DACH1: variants seen among roughly 807,000 people sequenced by gnomAD.
The protein encoded by DACH1 is dachshund homolog 1.
DACH1 carries 12 observed loss-of-function variants against 54.2 expected under a neutral mutation model. That is an observed-to-expected ratio of 0.22 (90% confidence interval 0.14 to 0.36). The LOEUF is 0.36. DACH1 is among the 10% of genes least tolerant of loss of function. The probability of loss-of-function intolerance (pLI) is 1.00; values close to 1 mark genes in which losing one functional copy is unlikely to be tolerated. For missense variants in DACH1, 805 were observed against 929.8 expected, an observed-to-expected ratio of 0.87 and a Z score of 1.75; for synonymous variants, 386 against 366.2, an observed-to-expected ratio of 1.05 and a Z score of -0.62.
intron 1 of DACH1, among the ~76,000 whole-genome samples, chr13:71,849,038 T>G (rs142745378): frequency 0.014 from 2,079 of 152,332 alleles, 26 homozygotes; most frequent in Non-Finnish European, 0.019. Flanking sequence ...ATACATTAGT[T>G]AATCTAAAAT....
rs1176069769 is a variant in DACH1 at position 71,655,373 on chromosome 13, T to A, written c.965-24656A>T. Among the ~76,000 whole-genome samples the A allele has an allele frequency of 3.3e-5, 4 of 122,238 alleles. No homozygotes were observed. In the East Asian group the frequency reaches 8.1e-4, roughly 25 times the overall value. 80.2% of individuals were successfully genotyped at this position (122,238 alleles called of 152,430 possible). ...TGGTGATGTCTCTTTTTTTTTTTAA[T>A]TTTTTTTTTTTTTTGAAACAGAGTT... On this transcript the variant is annotated intron_variant, in intron 2 of 10. Transcript: ENST00000613252.
intron 1 of DACH1, among the ~76,000 whole-genome samples, chr13:71,757,361 A>C (rs1053123331): frequency 6.6e-6 from 1 of 152,158 alleles, no homozygotes; most frequent in Admixed American, 6.5e-5. Context: ...TTAGTAAAAT[A>C]AACGGACCAG....
chr13:71,621,153 C>A (rs1876206688), intron 3 of DACH1, among the ~76,000 whole-genome samples: 1 of 151,852 alleles, frequency 6.6e-6, no homozygotes, highest in Non-Finnish European at 1.5e-5. Flanking sequence ...TGTCGCTATG[C>A]AGCTATTACT....
chr13:71,552,944 A>G (rs906011052), intron 6 of DACH1, among the ~76,000 whole-genome samples: 3 of 145,620 alleles, frequency 2.1e-5, no homozygotes, highest in African/African-American at 7.6e-5. Context: ...CACTTTGGGA[A>G]GCCAAGGCAG....
rs894677728 is a variant in DACH1 at position 71,861,926 on chromosome 13, A to C, written c.848+3996T>G. 3.3e-5 allele frequency among the ~76,000 whole-genome samples: 5 copies of C among 151,368 alleles called. No homozygotes were observed. The South Asian group carries it at 8.3e-4, about 25-fold the overall frequency. On this transcript the variant is annotated intron_variant, in intron 1 of 10. Transcript: ENST00000613252. Reference sequence around the variant, plus strand: ...CCTAACCAAAAAAAAAAAAAAAAAAAAATAGAGTCAAGAGTTGGAAAATGT... The same window carrying C: ...CCTAACCAAAAAAAAAAAAAAAAAACAATAGAGTCAAGAGTTGGAAAATGT...
chr13:71,502,116 A>G (rs898541787), intron 6 of DACH1, among the ~76,000 whole-genome samples: 5 of 152,296 alleles, frequency 3.3e-5, no homozygotes, highest in South Asian at 2.1e-4. Context: ...TTCAAAAAAT[A>G]TAATTGTATC....
At chr13:71,865,814 C>T in intron 1 of DACH1, 108 bp downstream of exon 1, 1 of 1,312,808 alleles carries the variant, frequency 7.6e-7, no homozygotes, top group Non-Finnish European at 9.7e-7. Context: ...CGCCGGGGCG[C>T]GCGGCTCGCG....
intron 1 of DACH1, among the ~76,000 whole-genome samples, chr13:71,839,764 T>G (rs989744583): frequency 6.6e-6 from 1 of 152,174 alleles, no homozygotes. Context: ...AAATGGATTA[T>G]TTATGTTCAC....
intron 6 of DACH1, among the ~76,000 whole-genome samples, chr13:71,527,172 G>A (rs532997250): frequency 6.6e-6 from 1 of 151,672 alleles, no homozygotes; most frequent in South Asian, 2.1e-4. Flanking sequence ...ATTTAAATTA[G>A]TAAATAATGA....
chr13:71,496,316 A>AC (rs1566296784), intron 6 of DACH1, among the ~76,000 whole-genome samples: 71 of 117,418 alleles, frequency 6.0e-4, no homozygotes, highest in Middle Eastern at 4.8e-3. Flanking sequence ...TACACACACA[A>AC]AAAGATATGC....
chr13:71,622,108 C>T (rs1594000443), intron 3 of DACH1, among the ~76,000 whole-genome samples: 1 of 151,908 alleles, frequency 6.6e-6, no homozygotes. Flanking sequence ...ATGTCAACTA[C>T]TATATTATTT....
chr13:71,521,583 T>A (rs1470386930), intron 6 of DACH1, among the ~76,000 whole-genome samples: 1 of 152,042 alleles, frequency 6.6e-6, no homozygotes, highest in Non-Finnish European at 1.5e-5. Context: ...GTTATTCCTA[T>A]ATGGTTTCCT....
At chr13:71,546,887 T>G (rs1004758834) in intron 6 of DACH1, among the ~76,000 whole-genome samples, 3 of 152,120 alleles carry the variant, frequency 2.0e-5, no homozygotes, top group African/African-American at 4.8e-5. Context: ...ATTTCATTCC[T>G]TTCACTTAAG....
intron 2 of DACH1, among the ~76,000 whole-genome samples, chr13:71,640,453 G>A (rs886175719): frequency 8.6e-5 from 13 of 151,770 alleles, no homozygotes; most frequent in African/African-American, 3.1e-4. Context: ...TATTACATAG[G>A]GCACAATGAG....
chr13:71,858,892 CCTCT>C (rs151258252), intron 1 of DACH1, among the ~76,000 whole-genome samples: 74 of 142,138 alleles, frequency 5.2e-4, no homozygotes, highest in African/African-American at 8.2e-4. Flanking sequence ...CCTCTCTCTG[CCTCT>C]CTCTCTCTCT....
intron 6 of DACH1, among the ~76,000 whole-genome samples, chr13:71,551,744 G>T (rs1883831354): frequency 6.6e-6 from 1 of 151,838 alleles, no homozygotes. Flanking sequence ...CTTTCAAAAG[G>T]GCTTTGTATG....
chr13:71,473,837 T>C (rs1308107369), intron 10 of DACH1, among the ~76,000 whole-genome samples: 2 of 152,160 alleles, frequency 1.3e-5, no homozygotes, highest in Non-Finnish European at 2.9e-5. Context: ...ACATTGGTGC[T>C]GATATTTGCA....
chr13:71,704,722 A>G (rs775884195), intron 1 of DACH1: 1 of 172,746 alleles, frequency 5.8e-6, no homozygotes. Flanking sequence ...ATTGAGTAGA[A>G]GTATGGCGTC....
intron 6 of DACH1, among the ~76,000 whole-genome samples, chr13:71,533,023 C>A (rs1882515357): frequency 6.6e-6 from 1 of 151,556 alleles, no homozygotes; most frequent in South Asian, 2.1e-4. Context: ...GACAACTATT[C>A]AGGTTTTACC....
Sources: gnomAD v4.1 joint callset for allele counts (sites outside exome capture counted in the v4.1 genomes callset) on GRCh38, gnomAD v4.1.1 for gene constraint, MANE v1.5 for transcripts, NCBI Gene and HGNC (gene_info 2026-07-23, HGNC 2026-07-21) for gene names.